The following ARHGAP15 variants were observed in gnomAD, a reference collection of about 807,000 sequenced individuals.
The protein encoded by ARHGAP15 is rho GTPase-activating protein 15.
A neutral mutation model predicts 63.7 loss-of-function variants in ARHGAP15; 51 were observed. That is an observed-to-expected ratio of 0.80 (90% CI 0.64 to 1.01). ARHGAP15 has a LOEUF of 1.01. ARHGAP15 is among the 50% of genes least tolerant of loss of function. The probability of loss-of-function intolerance (pLI) is 0.00; values close to 1 mark genes in which losing one functional copy is unlikely to be tolerated. For missense variants in ARHGAP15, 560 were observed against 564.6 expected, an observed-to-expected ratio of 0.99 and a Z score of 0.08; for synonymous variants, 191 against 193.8, an observed-to-expected ratio of 0.99 and a Z score of 0.12.
intron 13 of ARHGAP15, among the ~76,000 whole-genome samples, chr2:143,741,813 G>A (rs567089072): frequency 3.3e-5 from 5 of 152,204 alleles, no homozygotes; most frequent in South Asian, 2.1e-4. Context: ...CAGAAATGCC[G>A]GAGCATCTTG....
intron 6 of ARHGAP15, among the ~76,000 whole-genome samples, chr2:143,356,379 A>C (rs1318134563): frequency 5.9e-5 from 9 of 152,120 alleles, no homozygotes; most frequent in Admixed American, 5.9e-4. Flanking sequence ...TCCAGGAAAC[A>C]AAAGAAATTG....
chr2:143,325,227 T>A (rs766543544), intron 6 of ARHGAP15, among the ~76,000 whole-genome samples: 1 of 152,134 alleles, frequency 6.6e-6, no homozygotes, highest in Non-Finnish European at 1.5e-5. Flanking sequence ...GGACCGTATG[T>A]TCAAGACAGC....
chr2:143,247,502 C>A (rs768916855), intron 5 of ARHGAP15: 2 of 152,190 alleles, frequency 1.3e-5, no homozygotes, highest in Non-Finnish European at 1.5e-5. Context: ...AAGGATTCAG[C>A]ACAACAGATG....
intron 6 of ARHGAP15, among the ~76,000 whole-genome samples, chr2:143,387,953 G>C (rs549887614): frequency 3.7e-4 from 56 of 151,282 alleles, no homozygotes; most frequent in African/African-American, 1.3e-3. Flanking sequence ...ACACACACAA[G>C]CAAATGATAT....
At position 143,247,128 on chromosome 2, in the gene ARHGAP15, G is replaced by T. The variant is rs79180574; in HGVS notation, c.385-3383G>T. On this transcript the variant is annotated intron_variant, in intron 5 of 13. Coordinates refer to ENST00000295095, the MANE Select transcript of ARHGAP15 (RefSeq NM_018460.4). ...TAACCTGGAGATTCGTTCCTTGTCC[G>T]TGAGGAACACCTGAGCCCTCATCCA... is the stretch of plus-strand genomic sequence containing the variant. Among the ~76,000 whole-genome samples, 1,325 of 152,282 alleles carry T rather than the reference G, an allele frequency of 8.7e-3. 24 individuals carry two copies. Among genetic ancestry groups the T allele is most frequent in the African/African-American group, 0.03 (1,255 of 41,544 alleles).
At chr2:143,440,957 C>G (rs79466832) in intron 8 of ARHGAP15, among the ~76,000 whole-genome samples, 1 of 152,162 alleles carries the variant, frequency 6.6e-6, no homozygotes, top group Non-Finnish European at 1.5e-5. Flanking sequence ...ATCAGATAAC[C>G]TTGGCGAGGT....
intron 10 of ARHGAP15, among the ~76,000 whole-genome samples, chr2:143,536,517 TC>T (rs1368203741): frequency 3.5e-5 from 4 of 114,060 alleles, no homozygotes; most frequent in East Asian, 2.6e-4. Flanking sequence ...ATGCTATCCC[TC>T]CCCCCTCCCC....
chr2:143,633,185 A>ATG (rs142921229), intron 12 of ARHGAP15, among the ~76,000 whole-genome samples: 10 of 151,952 alleles, frequency 6.6e-5, no homozygotes, highest in East Asian at 1.9e-4. Context: ...TTGCTTTTTA[A>ATG]TGTGTGTGTG....
intron 11 of ARHGAP15, among the ~76,000 whole-genome samples, chr2:143,609,637 T>G (rs1437316643): frequency 6.6e-6 from 1 of 152,160 alleles, no homozygotes; most frequent in African/African-American, 2.4e-5. Flanking sequence ...ACTTCTAGAT[T>G]TCAACTGACA....
chr2:143,340,308 C>A (rs1484321935), intron 6 of ARHGAP15, among the ~76,000 whole-genome samples: 4 of 151,890 alleles, frequency 2.6e-5, no homozygotes, highest in Non-Finnish European at 5.9e-5. Flanking sequence ...AGGAAAGAGA[C>A]TGGAAGAAAA....
At chr2:143,740,827 T>C (rs896130529) in intron 13 of ARHGAP15, among the ~76,000 whole-genome samples, 1 of 152,208 alleles carries the variant, frequency 6.6e-6, no homozygotes, top group African/African-American at 2.4e-5. Flanking sequence ...GCCATATTTA[T>C]GTGTTTCAGC....
chr2:143,164,910 A>G (rs929822981), intron 2 of ARHGAP15, among the ~76,000 whole-genome samples: 2 of 152,196 alleles, frequency 1.3e-5, no homozygotes, highest in East Asian at 1.9e-4. Flanking sequence ...TATTTTATAT[A>G]TCACTATTTT....
At chr2:143,482,068 T>C (rs1692102863) in intron 8 of ARHGAP15, among the ~76,000 whole-genome samples, 1 of 152,124 alleles carries the variant, frequency 6.6e-6, no homozygotes, top group Non-Finnish European at 1.5e-5. Flanking sequence ...ATAAAGGAAA[T>C]ATAAGTAAAT....
chr2:143,670,674 C>T (rs1349325285), intron 12 of ARHGAP15, among the ~76,000 whole-genome samples: 1 of 152,190 alleles, frequency 6.6e-6, no homozygotes, highest in African/African-American at 2.4e-5. Context: ...TTTTGTACCC[C>T]AGTAACATCT....
intron 12 of ARHGAP15, among the ~76,000 whole-genome samples, chr2:143,632,617 C>A (rs554871999): frequency 7.3e-4 from 111 of 152,194 alleles, no homozygotes; most frequent in Non-Finnish European, 1.4e-3. Context: ...TTATCCTGTG[C>A]CTAAACGGAA....
At chr2:143,145,347 A>C (rs931728056) in intron 1 of ARHGAP15, among the ~76,000 whole-genome samples, 15 of 151,944 alleles carry the variant, frequency 9.9e-5, no homozygotes, top group African/African-American at 3.6e-4. Flanking sequence ...CCTCTTCCTC[A>C]CTGGACATTT....
intron 6 of ARHGAP15, among the ~76,000 whole-genome samples, chr2:143,317,442 ATTCT>A (rs1683771608): frequency 1.3e-5 from 2 of 152,220 alleles, no homozygotes; most frequent in Admixed American, 1.3e-4. Context: ...CACAAAATAA[ATTCT>A]TTGGGAGTTG....
At chr2:143,134,837 C>T (rs574538138) in intron 1 of ARHGAP15, among the ~76,000 whole-genome samples, 182 of 152,074 alleles carry the variant, frequency 1.2e-3, no homozygotes, top group Non-Finnish European at 2.1e-3. Flanking sequence ...CGGGGTTTCA[C>T]GGTGTTAGCC....
intron 6 of ARHGAP15, among the ~76,000 whole-genome samples, chr2:143,344,643 A>G (rs1685192872): frequency 6.6e-6 from 1 of 152,142 alleles, no homozygotes; most frequent in South Asian, 2.1e-4. Context: ...AATTCTGACC[A>G]TTCCGTGGAA....
Sources: allele counts gnomAD v4.1 joint callset (sites outside exome capture counted in the v4.1 genomes callset), GRCh38; gene constraint gnomAD v4.1.1; transcripts MANE v1.5; gene names NCBI Gene and HGNC (gene_info 2026-07-23, HGNC 2026-07-21).